The following SIM1 variants were observed in gnomAD, a reference collection of about 807,000 sequenced individuals.
SIM1 encodes single-minded homolog 1.
A neutral mutation model predicts 78.2 loss-of-function variants in SIM1; 18 were observed. The observed-to-expected ratio is 0.23, with a 90% CI of 0.16 to 0.34. The LOEUF (loss-of-function observed/expected upper bound fraction) is 0.34, where lower values mean the gene tolerates loss of function less well. SIM1 is among the 10% of genes least tolerant of loss of function. The probability of loss-of-function intolerance (pLI) is 1.00; values close to 1 mark genes in which losing one functional copy is unlikely to be tolerated. For synonymous variants in SIM1, 417 were observed against 385.2 expected (o/e 1.08, Z -0.97); for missense variants, 939 against 975.1 (o/e 0.96, Z 0.49).
At chr6:100,409,747 C>A (rs1276522780) in intron 10 of SIM1, among the ~76,000 whole-genome samples, 1 of 152,104 alleles carries the variant, frequency 6.6e-6, no homozygotes, top group African/African-American at 2.4e-5. Flanking sequence ...TCATTCATCT[C>A]AAGATATTTT....
intron 9 of SIM1, among the ~76,000 whole-genome samples, chr6:100,430,856 G>A (rs990841952): frequency 3.9e-5 from 6 of 152,050 alleles, no homozygotes; most frequent in African/African-American, 1.4e-4. Flanking sequence ...GAGGGGTGAA[G>A]GGAGCATACC....
At chr6:100,396,613 C>T (rs1770775736) in intron 10 of SIM1, among the ~76,000 whole-genome samples, 1 of 152,126 alleles carries the variant, frequency 6.6e-6, no homozygotes. Context: ...AGTCCAAGAC[C>T]TCACACTGCT....
chr6:100,386,574 C>T lies in SIM1; in HGVS notation c.*3787G>A, dbSNP rs887713251. The T allele has an allele frequency of 2.0e-5, 3 of 152,068 alleles. No homozygotes were observed. Among genetic ancestry groups the T allele is most frequent in the Admixed American group, 6.6e-5 (1 of 15,258 alleles). 9.4% of individuals were successfully genotyped at this position (152,068 alleles called of 1,614,324 possible). A position where few individuals can be genotyped will look rare whatever the true frequency, so the allele number is the denominator to read the frequency against. On this transcript the variant is annotated 3_prime_UTR_variant, in exon 12 of 12. Coordinates refer to ENST00000369208, the MANE Select transcript of SIM1 (RefSeq NM_005068.3). The stretch of plus-strand genomic sequence containing the variant: ...TGTACTATAATTGATCCTCATCCCC[C>T]ATAAGAAGGAGAAATAAAAATTGGA...
At chr6:100,438,961 G>A (rs186824185) in intron 9 of SIM1, among the ~76,000 whole-genome samples, 3 of 152,160 alleles carry the variant, frequency 2.0e-5, no homozygotes, top group African/African-American at 7.2e-5. Flanking sequence ...GCTTCCAGGG[G>A]AAAGGTTGTG....
At chr6:100,442,213 A>C (rs937280564) in intron 9 of SIM1, among the ~76,000 whole-genome samples, 1 of 152,362 alleles carries the variant, frequency 6.6e-6, no homozygotes, top group African/African-American at 2.4e-5. Context: ...TGAATTCAAA[A>C]CCAAATACAG....
At chr6:100,445,357 C>T (rs879490987) in intron 9 of SIM1, among the ~76,000 whole-genome samples, 3 of 152,142 alleles carry the variant, frequency 2.0e-5, no homozygotes, top group Non-Finnish European at 2.9e-5. Context: ...ATATATGCTT[C>T]TGTGTGTTTA....
chr6:100,408,009 C>G (rs562023358), intron 10 of SIM1, among the ~76,000 whole-genome samples: 1 of 152,034 alleles, frequency 6.6e-6, no homozygotes, highest in South Asian at 2.1e-4. Context: ...TTTATTTTTG[C>G]TTTTGTTGTC....
At chr6:100,449,266 G>T (rs1772448982) in intron 6 of SIM1, 97 bp downstream of exon 6, 1 of 992,570 alleles carries the variant, frequency 1.0e-6, no homozygotes, top group Non-Finnish European at 1.6e-6. Context: ...GTGCCCTTGC[G>T]GGTAGTCCCA....
chr6:100,461,463 C>G (rs542981899), intron 2 of SIM1, among the ~76,000 whole-genome samples: 1 of 152,332 alleles, frequency 6.6e-6, no homozygotes, highest in Non-Finnish European at 1.5e-5. Flanking sequence ...CTATTCTTCT[C>G]CTCCCGCGAT....
intron 1 of SIM1, 33 bp downstream of exon 1, chr6:100,464,581 G>A (rs1772943044): frequency 1.3e-5 from 2 of 152,210 alleles, no homozygotes. Flanking sequence ...CGGGGCTGCT[G>A]GGCGGGCGCG....
Position 100,389,564 on chromosome 6 carries a change from C to G in SIM1, c.*797G>C. 1 of 398,794 alleles carries G rather than the reference C, an allele frequency of 2.5e-6. No individual in the cohort carries two copies. The highest frequency in any genetic ancestry group is 4.4e-6 in the Non-Finnish European group (1 of 225,930). 24.7% of individuals were successfully genotyped at this position (398,794 alleles called of 1,614,324 possible). A position where few individuals can be genotyped will look rare whatever the true frequency, so the allele number is the denominator to read the frequency against. On this transcript the variant is annotated 3_prime_UTR_variant, in exon 12 of 12. Transcript: ENST00000369208. ...GCATTTTATTTCACTCTGCCTCTGGCCTTTCCATATTCATAGAACTACTTC... is the reference window on the plus strand; with the variant it reads ...GCATTTTATTTCACTCTGCCTCTGGGCTTTCCATATTCATAGAACTACTTC...
intron 2 of SIM1, among the ~76,000 whole-genome samples, chr6:100,459,331 A>T (rs1772775976): frequency 1.3e-5 from 2 of 152,238 alleles, no homozygotes; most frequent in Admixed American, 1.3e-4. Context: ...AATGCTCTGC[A>T]CGGAGTTTAG....
In SIM1 at chr6:100,402,760, G is replaced by A. The variant is rs955434630; in HGVS notation, c.1168-8871C>T. On this transcript the variant is annotated intron_variant, in intron 10 of 11. Coordinates refer to ENST00000369208, the MANE Select transcript of SIM1 (RefSeq NM_005068.3). The stretch of plus-strand genomic sequence containing the variant: ...GCCTGGCTAATTTTTTGTATTTTTA[G>A]TAGAGACGGGGTTTCCCGTGTTAGC... Among the ~76,000 whole-genome samples the A allele has an allele frequency of 1.6e-4, 24 of 151,802 alleles. 1 individual carries two copies. The Middle Eastern group carries it at 0.014, about 86-fold the overall frequency.
At chr6:100,449,191 T>A (rs1430283066) in intron 6 of SIM1, among the ~76,000 whole-genome samples, 172 bp downstream of exon 6, 1 of 152,210 alleles carries the variant, frequency 6.6e-6, no homozygotes, top group Non-Finnish European at 1.5e-5. Context: ...AGTCCCCAGC[T>A]GTTCACAAAG....
chr6:100,405,831 G>A (rs1302468001), intron 10 of SIM1, among the ~76,000 whole-genome samples: 2 of 152,108 alleles, frequency 1.3e-5, no homozygotes, highest in Non-Finnish European at 2.9e-5. Context: ...CTGTCAGGGT[G>A]ATGTGCAGCT....
intron 10 of SIM1, among the ~76,000 whole-genome samples, chr6:100,403,957 TCTTA>T (rs1770991759): frequency 6.6e-6 from 1 of 152,198 alleles, no homozygotes; most frequent in African/African-American, 2.4e-5. Flanking sequence ...ATTCCAGAAC[TCTTA>T]CTCTTTTCAC....
intron 10 of SIM1, among the ~76,000 whole-genome samples, chr6:100,409,823 T>C (rs897127169): frequency 6.6e-6 from 1 of 152,194 alleles, no homozygotes; most frequent in Non-Finnish European, 1.5e-5. Context: ...TTCCATGAAA[T>C]TGCAAATTTT....
chr6:100,438,425 C>G (rs1012142107), intron 9 of SIM1, among the ~76,000 whole-genome samples: 7 of 152,198 alleles, frequency 4.6e-5, no homozygotes, highest in Non-Finnish European at 1.0e-4. Flanking sequence ...CACCTTACAC[C>G]TGCAAGGATG....
intron 2 of SIM1, among the ~76,000 whole-genome samples, chr6:100,454,471 C>A (rs1335561866): frequency 1.3e-5 from 2 of 152,190 alleles, no homozygotes; most frequent in African/African-American, 4.8e-5. Flanking sequence ...ATTCATTTCC[C>A]CTCCTAGCCC....
Sources: allele counts gnomAD v4.1 joint callset (sites outside exome capture counted in the v4.1 genomes callset), GRCh38; gene constraint gnomAD v4.1.1; transcripts MANE v1.5; gene names NCBI Gene and HGNC (gene_info 2026-07-23, HGNC 2026-07-21).